Variants in ZPBP observed in about 807,000 individuals in gnomAD.
ZPBP encodes the protein zona pellucida-binding protein 1.
A neutral mutation model predicts 44.8 loss-of-function variants in ZPBP; 26 were observed. That is an observed-to-expected ratio of 0.58 (90% CI 0.43 to 0.81). The LOEUF is 0.81. ZPBP is among the 30% of genes least tolerant of loss of function. The pLI is 0.00. For synonymous variants in ZPBP, 174 were observed against 153.2 expected (o/e 1.14, Z -1.00); for missense variants, 409 against 434.0 (o/e 0.94, Z 0.51).
intron 7 of ZPBP, among the ~76,000 whole-genome samples, chr7:49,949,746 C>G (rs1232603782): frequency 1.3e-5 from 2 of 151,848 alleles, no homozygotes; most frequent in Non-Finnish European, 2.9e-5. Flanking sequence ...GTTAATGCCA[C>G]TGTGTATTTA....
chr7:49,880,838 T>C (rs1333045535), intron 2 of ZPBP, among the ~76,000 whole-genome samples: 3 of 152,126 alleles, frequency 2.0e-5, no homozygotes, highest in Admixed American at 6.6e-5. Flanking sequence ...CGGGAAGCTC[T>C]TCATTTTTGC....
At chr7:50,016,425 G>A (rs1032774580) in intron 6 of ZPBP, among the ~76,000 whole-genome samples, 3 of 152,030 alleles carry the variant, frequency 2.0e-5, no homozygotes, top group Non-Finnish European at 4.4e-5. Flanking sequence ...GAAGGTGAGG[G>A]TTGAAAAACA....
At chr7:49,969,826 G>T (rs1444837072) in intron 7 of ZPBP, among the ~76,000 whole-genome samples, 2,546 of 76,332 alleles carry the variant, frequency 0.033, 30 homozygotes, top group African/African-American at 0.073. Flanking sequence ...TATAGAGAGA[G>T]AGAGAGAGAG....
intron 1 of ZPBP, among the ~76,000 whole-genome samples, chr7:49,907,185 A>C (rs1262369289): frequency 6.6e-6 from 1 of 152,234 alleles, no homozygotes; most frequent in South Asian, 2.1e-4. Flanking sequence ...TAATTTGCTT[A>C]TTCTTAAAAA....
At chr7:49,983,633 T>G (rs1334935302) in intron 6 of ZPBP, 114 bp from the exon 7 acceptor site, 1 of 655,054 alleles carries the variant, frequency 1.5e-6, no homozygotes, top group Non-Finnish European at 2.5e-6. Flanking sequence ...AAGGTCATTA[T>G]TTTTTCTTGC....
chr7:49,843,360 G>A, the ZPBP span, among the ~76,000 whole-genome samples: 3 of 152,126 alleles, frequency 2.0e-5, no homozygotes, highest in South Asian at 2.1e-4. Context: ...TCTCCCAAGC[G>A]AAGAGGAGAC....
chr7:50,018,179 T>G, intron 6 of ZPBP, 61 bp downstream of exon 6: 1 of 1,241,850 alleles, frequency 8.1e-7, no homozygotes, highest in Admixed American at 1.7e-5. Context: ...GGATGCTTAC[T>G]TACACATGGG....
intron 4 of ZPBP, among the ~76,000 whole-genome samples, chr7:50,040,920 G>A (rs1185014906): frequency 3.9e-5 from 6 of 152,084 alleles, no homozygotes; most frequent in Admixed American, 2.0e-4. Flanking sequence ...TGAAATTCTC[G>A]CTGCCAGCAC....
chr7:50,014,427 T>C (rs1242522029), intron 6 of ZPBP, among the ~76,000 whole-genome samples: 2 of 151,398 alleles, frequency 1.3e-5, no homozygotes, highest in Non-Finnish European at 2.9e-5. Context: ...ACTTAAGAAA[T>C]ATATTTATTT....
chr7:49,897,240 C>T (rs1389383593), intron 2 of ZPBP, among the ~76,000 whole-genome samples: 1 of 152,140 alleles, frequency 6.6e-6, no homozygotes, highest in Non-Finnish European at 1.5e-5. Flanking sequence ...TAATACCAAA[C>T]ATTGAAAGAA....
rs1795966784 is a variant in ZPBP at position 49,964,107 on chromosome 7, A to G, written c.961+19235T>C. 5.9e-5 allele frequency among the ~76,000 whole-genome samples: 9 copies of G among 151,894 alleles called. No homozygotes were observed. The South Asian group carries it at 1.9e-3, about 31-fold the overall frequency. ...AAATCCAACTCTCTTATCCACAATA[A>G]AATATCTCAGTAAACTAAGAATAAG... On this transcript the variant is annotated intron_variant, in intron 7 of 7. Coordinates refer to ENST00000046087, the MANE Select transcript of ZPBP (RefSeq NM_007009.3).
intron 7 of ZPBP, among the ~76,000 whole-genome samples, chr7:49,939,554 A>G (rs901330070): frequency 5.9e-5 from 9 of 152,196 alleles, no homozygotes; most frequent in Non-Finnish European, 1.5e-5. Flanking sequence ...ATTTGTGACT[A>G]ATCAGTATTG....
intron 4 of ZPBP, among the ~76,000 whole-genome samples, chr7:50,033,678 G>GTTTGTTTATTT (rs143206693): frequency 6.7e-6 from 1 of 148,824 alleles, no homozygotes; most frequent in East Asian, 2.0e-4. Flanking sequence ...TCTTTCTACA[G>GTTTGTTTATTT]TTTATTTATT....
At position 49,877,481 on chromosome 7, in the gene ZPBP, A is replaced by AAAATATACATATAT; in HGVS notation, n.509+23636_509+23637insATATATGTATATTT. Among the ~76,000 whole-genome samples, 14 of 12,730 alleles carry AAAATATACATATAT rather than the reference A, an allele frequency of 1.1e-3. 3 individuals are homozygous for AAAATATACATATAT. The highest frequency in any genetic ancestry group is 3.9e-3 in the African/African-American group (14 of 3,604). The allele number at this position is 12,730 out of a possible 152,430, so 8.4% of individuals were successfully genotyped here. The stretch of plus-strand genomic sequence containing the variant: ...CTGTCTCAAAAAAAAAAAAAAAAAA[A>AAAATATACATATAT]ATATATATATATATATATATATATA... On this transcript the variant is annotated intron_variant and non_coding_transcript_variant, in intron 2 of 2. Transcript: ENST00000465922.
chr7:49,963,851 G>A, intron 7 of ZPBP, among the ~76,000 whole-genome samples: 1 of 151,440 alleles, frequency 6.6e-6, no homozygotes. Context: ...ATACAGAAGA[G>A]GAAGGAATAC....
At chr7:50,057,022 A>G (rs1391409517) in intron 4 of ZPBP, among the ~76,000 whole-genome samples, 3 of 151,974 alleles carry the variant, frequency 2.0e-5, no homozygotes, top group African/African-American at 7.3e-5. Context: ...CATCTCTACC[A>G]AAAATACAAA....
chr7:49,908,361 A>G, intron 1 of ZPBP, among the ~76,000 whole-genome samples: 1 of 152,308 alleles, frequency 6.6e-6, no homozygotes. Context: ...TTGGTGAGGG[A>G]CTTAGAAGTT....
chr7:49,957,034 T>C (rs1795628479), intron 7 of ZPBP, among the ~76,000 whole-genome samples: 1 of 152,200 alleles, frequency 6.6e-6, no homozygotes, highest in East Asian at 1.9e-4. Context: ...TTGGCCCTCA[T>C]GAACTGATTA....
rs1310601767 is a variant in ZPBP, at chr7:50,047,750, G to A, written c.487+10239C>T. On this transcript the variant is annotated intron_variant, in intron 4 of 7. Transcript: ENST00000046087. ...CAGGGTGCCTCATGAGAAAATGATC[G>A]AAGTTCCTGCTTTCCAGCCAGGAAC... is the stretch of plus-strand genomic sequence containing the variant. 2.6e-5 allele frequency among the ~76,000 whole-genome samples: 4 copies of A among 150,968 alleles called. No homozygotes were observed. The East Asian group carries it at 5.9e-4, about 22-fold the overall frequency.
Sources: allele counts gnomAD v4.1 joint callset (sites outside exome capture counted in the v4.1 genomes callset), GRCh38; gene constraint gnomAD v4.1.1; transcripts MANE v1.5; gene names NCBI Gene and HGNC (gene_info 2026-07-23, HGNC 2026-07-21).